COL26A1: variants seen among roughly 807,000 people sequenced by gnomAD.
COL26A1 encodes collagen alpha-1(XXVI) chain.
COL26A1 carries 41 observed loss-of-function variants against 59.3 expected under a neutral mutation model. The ratio of observed to expected loss-of-function variants is 0.69; its 90% CI spans 0.54 to 0.90. The LOEUF is 0.90. COL26A1 is among the 40% of genes least tolerant of loss of function. The pLI is 0.00. For missense variants in COL26A1, 612 were observed against 602.3 expected, an observed-to-expected ratio of 1.02 and a Z score of -0.17; for synonymous variants, 266 against 256.0, an observed-to-expected ratio of 1.04 and a Z score of -0.37.
intron 3 of COL26A1, among the ~76,000 whole-genome samples, chr7:101,513,892 C>T (rs1360674787): frequency 6.6e-6 from 1 of 152,076 alleles, no homozygotes; most frequent in Non-Finnish European, 1.5e-5. Flanking sequence ...GAAAGAACTC[C>T]TATGCATCAA....
At chr7:101,402,413 G>C (rs1175516107) in intron 1 of COL26A1, among the ~76,000 whole-genome samples, 1 of 152,126 alleles carries the variant, frequency 6.6e-6, no homozygotes, top group Non-Finnish European at 1.5e-5. Flanking sequence ...TGCCGTGCCA[G>C]CTTGAGCCCT....
intron 3 of COL26A1, among the ~76,000 whole-genome samples, chr7:101,499,310 G>A (rs998827340): frequency 6.6e-6 from 1 of 152,210 alleles, no homozygotes; most frequent in African/African-American, 2.4e-5. Context: ...GGGAGGCCAA[G>A]GTGGGAGGAT....
chr7:101,379,350 G>A (rs1439620273), intron 1 of COL26A1, among the ~76,000 whole-genome samples: 4 of 152,176 alleles, frequency 2.6e-5, no homozygotes, highest in East Asian at 1.9e-4. Context: ...AGTGGAGCAG[G>A]CAGGTGAGCC....
chr7:101,546,078 C>T (rs1795728796), intron 7 of COL26A1, among the ~76,000 whole-genome samples: 2 of 152,180 alleles, frequency 1.3e-5, no homozygotes, highest in Non-Finnish European at 2.9e-5. Context: ...CAGAAATGTC[C>T]ACTTCTACCT....
intron 3 of COL26A1, among the ~76,000 whole-genome samples, chr7:101,480,417 C>T (rs1399290822): frequency 6.6e-6 from 1 of 152,128 alleles, no homozygotes; most frequent in Non-Finnish European, 1.5e-5. Context: ...TTATTTTACA[C>T]ATGTCATATT....
chr7:101,457,911 TTTTG>T (rs200234949), intron 3 of COL26A1, among the ~76,000 whole-genome samples: 15,586 of 121,612 alleles, frequency 0.13, 1,101 homozygotes, highest in African/African-American at 0.21. Context: ...TTTTTTTTTT[TTTTG>T]AAATGGAGTC....
chr7:101,472,328 G>A (rs1304944179), intron 3 of COL26A1, among the ~76,000 whole-genome samples: 1 of 152,150 alleles, frequency 6.6e-6, no homozygotes, highest in Non-Finnish European at 1.5e-5. Context: ...TTTAAACTAA[G>A]GATGTTTTTT....
chr7:101,383,314 G>A (rs2117033547), intron 1 of COL26A1, among the ~76,000 whole-genome samples: 1 of 151,794 alleles, frequency 6.6e-6, no homozygotes, highest in Non-Finnish European at 1.5e-5. Flanking sequence ...TAGTTCTCTA[G>A]GGTTTTTGGA....
At chr7:101,509,465 A>G (rs933676838) in intron 3 of COL26A1, among the ~76,000 whole-genome samples, 1 of 152,030 alleles carries the variant, frequency 6.6e-6, no homozygotes, top group Non-Finnish European at 1.5e-5. Context: ...AAAAAAGAAA[A>G]GAAGAACAGA....
chr7:101,423,632 G>A (rs986208219), intron 2 of COL26A1, among the ~76,000 whole-genome samples: 5 of 152,056 alleles, frequency 3.3e-5, no homozygotes, highest in Non-Finnish European at 5.9e-5. Context: ...CTACTTGGGA[G>A]GCTGAGGGAG....
intron 1 of COL26A1, among the ~76,000 whole-genome samples, chr7:101,403,176 A>G (rs1241042894): frequency 6.6e-6 from 1 of 152,086 alleles, no homozygotes; most frequent in African/African-American, 2.4e-5. Context: ...ATTCAAGTCC[A>G]TAGAGAGATG....
At chr7:101,384,230 G>GTTTTTT (rs35085221) in intron 1 of COL26A1, among the ~76,000 whole-genome samples, 2 of 105,680 alleles carry the variant, frequency 1.9e-5, no homozygotes, top group South Asian at 3.2e-4. Context: ...GTTCAGGCTG[G>GTTTTTT]TTTTTTTTTT....
chr7:101,475,785 T>TTCC (rs1794020705), intron 3 of COL26A1, among the ~76,000 whole-genome samples: 2 of 100,822 alleles, frequency 2.0e-5, no homozygotes, highest in African/African-American at 1.7e-4. Flanking sequence ...TCTTTCTTTC[T>TTCC]TTCCTTCCTT....
At chr7:101,479,456 C>T (rs2130488310) in intron 3 of COL26A1, among the ~76,000 whole-genome samples, 1 of 152,302 alleles carries the variant, frequency 6.6e-6, no homozygotes, top group South Asian at 2.1e-4. Flanking sequence ...ACACCATTAT[C>T]TTCTAGCCTC....
intron 3 of COL26A1, 44 bp downstream of exon 3, chr7:101,447,831 C>G: frequency 7.8e-7 from 1 of 1,274,026 alleles, no homozygotes; most frequent in Non-Finnish European, 1.1e-6. Context: ...AGGCGTGGGC[C>G]AGGCTGGAGT....
At chr7:101,543,205 T>C (rs1267533204) in intron 5 of COL26A1, among the ~76,000 whole-genome samples, 3 of 152,010 alleles carry the variant, frequency 2.0e-5, no homozygotes, top group Non-Finnish European at 4.4e-5. Context: ...GGTCTCGCTC[T>C]GTAAGCCAAG....
chr7:101,482,834 G>A (rs917519735), intron 3 of COL26A1, among the ~76,000 whole-genome samples: 1 of 152,218 alleles, frequency 6.6e-6, no homozygotes, highest in Admixed American at 6.5e-5. Flanking sequence ...GCACACGCTT[G>A]TAATCCCAGC....
intron 3 of COL26A1, among the ~76,000 whole-genome samples, chr7:101,451,254 T>C (rs2130389158): frequency 6.9e-6 from 1 of 145,434 alleles, no homozygotes; most frequent in Non-Finnish European, 1.5e-5. Context: ...TTGTATATAA[T>C]ATATACAATA....
intron 3 of COL26A1, among the ~76,000 whole-genome samples, chr7:101,490,648 C>T (rs746187533): frequency 5.9e-5 from 9 of 151,676 alleles, no homozygotes; most frequent in Non-Finnish European, 4.4e-5. Flanking sequence ...TAACAGTGAG[C>T]GGAGATTGCA....
Sources: allele counts gnomAD v4.1 joint callset (sites outside exome capture counted in the v4.1 genomes callset), GRCh38; gene constraint gnomAD v4.1.1; transcripts MANE v1.5; gene names NCBI Gene and HGNC (gene_info 2026-07-23, HGNC 2026-07-21).